BCAR3: variants seen among roughly 807,000 people sequenced by gnomAD.
BCAR3 encodes BCAR3 adaptor protein, NSP family member.
Under a neutral mutation model 80.1 loss-of-function variants are expected in BCAR3, and 37 were observed. That is an observed-to-expected ratio of 0.46 (90% CI 0.36 to 0.61). The LOEUF (loss-of-function observed/expected upper bound fraction) is 0.61. BCAR3 is among the 20% of genes least tolerant of loss of function. The probability of loss-of-function intolerance (pLI) is 0.00; values close to 1 mark genes in which losing one functional copy is unlikely to be tolerated. For missense variants in BCAR3, 978 were observed against 1,068.2 expected (o/e 0.92, Z 1.18); for synonymous variants, 389 against 418.9 (o/e 0.93, Z 0.87).
intron 7 of BCAR3, among the ~76,000 whole-genome samples, chr1:93,579,095 G>C (rs902252870): frequency 2.6e-5 from 4 of 152,142 alleles, no homozygotes; most frequent in African/African-American, 9.7e-5. Flanking sequence ...TGGGGGGTGG[G>C]GGCATGGACA....
intron 1 of BCAR3, among the ~76,000 whole-genome samples, chr1:93,846,315 C>CT (rs1655176629): frequency 2.0e-5 from 3 of 152,198 alleles, no homozygotes; most frequent in Non-Finnish European, 4.4e-5. Flanking sequence ...GGTGCAGAAA[C>CT]GGGCTGTGGC....
rs376160020 is a variant in BCAR3 at position 93,589,057 on chromosome 1, C to A, written c.849G>T (p.Pro283=). 1 of 1,611,946 alleles carries A rather than the reference C, an allele frequency of 6.2e-7. No homozygotes were observed. Among genetic ancestry groups the A allele is most frequent in the Non-Finnish European group, 8.5e-7 (1 of 1,178,736 alleles). ...TGAGGCTCAGCCTCTTGGCCACATC[C>A]GGCCTTCCCTTGGTGAGGCTGCCCT... ...AREGSLTKGR[P]DVAKRLSLTM... Residue 283 remains proline, a synonymous_variant, in exon 5 of 12, where the codon CCG becomes CCT. Transcript: ENST00000260502.
chr1:93,687,183 T>G (rs7519952), intron 3 of BCAR3, among the ~76,000 whole-genome samples: 45,693 of 152,214 alleles, frequency 0.3, 10,477 homozygotes, highest in African/African-American at 0.65. Context: ...ACATCATAAA[T>G]CTCCCCATAG....
At chr1:93,818,523 T>G (rs1316732328) in intron 2 of BCAR3, among the ~76,000 whole-genome samples, 1 of 152,232 alleles carries the variant, frequency 6.6e-6, no homozygotes, top group Non-Finnish European at 1.5e-5. Flanking sequence ...ATCCCAGTTC[T>G]GCCACTTCCT....
At chr1:93,727,355 C>T (rs1650631027) in intron 2 of BCAR3, among the ~76,000 whole-genome samples, 1 of 152,230 alleles carries the variant, frequency 6.6e-6, no homozygotes, top group African/African-American at 2.4e-5. Flanking sequence ...CTCAGGTCAA[C>T]TTTCACTCTT....
intron 2 of BCAR3, among the ~76,000 whole-genome samples, chr1:93,831,744 A>G (rs1571157728): frequency 6.6e-6 from 1 of 151,814 alleles, no homozygotes; most frequent in East Asian, 1.9e-4. Flanking sequence ...ATTCTTCCTC[A>G]GCCTCCACTT....
At chr1:93,766,157 T>C (rs17110404) in intron 2 of BCAR3, among the ~76,000 whole-genome samples, 17,783 of 152,138 alleles carry the variant, frequency 0.12, 1,464 homozygotes, top group African/African-American at 0.22. Context: ...CATCTTTAAA[T>C]GCAGTACCAG....
intron 2 of BCAR3, among the ~76,000 whole-genome samples, chr1:93,817,934 A>C (rs1654077023): frequency 6.6e-6 from 1 of 151,972 alleles, no homozygotes; most frequent in Admixed American, 6.6e-5. Flanking sequence ...TGCCAGTCCC[A>C]AGGAAGCTTT....
chr1:93,699,533 T>C (rs1329360587), intron 3 of BCAR3, among the ~76,000 whole-genome samples: 1 of 152,082 alleles, frequency 6.6e-6, no homozygotes, highest in African/African-American at 2.4e-5. Context: ...GCAGAAGAAC[T>C]CATGAGGTGA....
At chr1:93,643,912 C>T (rs1676075793) in intron 2 of BCAR3, among the ~76,000 whole-genome samples, 1 of 152,180 alleles carries the variant, frequency 6.6e-6, no homozygotes. Context: ...TGGATACATA[C>T]TGAGGACTAA....
In BCAR3 at chr1:93,748,024, TCTGCTTCC is replaced by T. The variant is rs142537090; in HGVS notation, c.-62-41890_-62-41883del. 2.6e-3 allele frequency among the ~76,000 whole-genome samples: 387 copies of T among 149,674 alleles called. 5 individuals are homozygous for T. Among genetic ancestry groups the T allele is most frequent in the African/African-American group, 9.4e-3 (366 of 39,028 alleles). On this transcript the variant is annotated intron_variant, in intron 2 of 13. Transcript: ENST00000370244. ...CCCTCACCTTTAGTGAGTAGAAATG[TCTGCTTCC>T]CTGAGCCCTGGATCTAATGTCCCTA...
chr1:93,576,481 G>T (rs1034570365), intron 7 of BCAR3, among the ~76,000 whole-genome samples: 3 of 152,230 alleles, frequency 2.0e-5, no homozygotes, highest in Non-Finnish European at 4.4e-5. Flanking sequence ...GCTGCCAACA[G>T]CAAGGCTGCA....
At chr1:93,617,800 C>T (rs1256142181) in intron 3 of BCAR3, among the ~76,000 whole-genome samples, 1 of 152,194 alleles carries the variant, frequency 6.6e-6, no homozygotes, top group Non-Finnish European at 1.5e-5. Flanking sequence ...TTGCCCCACT[C>T]AGCACCAGCC....
intron 3 of BCAR3, among the ~76,000 whole-genome samples, chr1:93,696,314 T>C (rs938937012): frequency 6.6e-6 from 1 of 152,126 alleles, no homozygotes; most frequent in Non-Finnish European, 1.5e-5. Flanking sequence ...AATTCCCACA[T>C]ATTAGGATGG....
chr1:93,643,515 C>CAG (rs1332239690), intron 2 of BCAR3, among the ~76,000 whole-genome samples: 2 of 122,162 alleles, frequency 1.6e-5, no homozygotes, highest in African/African-American at 6.5e-5. Flanking sequence ...CATCGCACTC[C>CAG]AGTCTGGGTG....
chr1:93,821,714 T>A (rs1654230332), intron 2 of BCAR3, among the ~76,000 whole-genome samples: 1 of 152,236 alleles, frequency 6.6e-6, no homozygotes, highest in African/African-American at 2.4e-5. Flanking sequence ...CACATATACT[T>A]AGCACAGTAC....
At chr1:93,816,488 CA>C (rs1654019645) in intron 2 of BCAR3, among the ~76,000 whole-genome samples, 1 of 151,340 alleles carries the variant, frequency 6.6e-6, no homozygotes, top group African/African-American at 2.4e-5. Flanking sequence ...CTGGCCAACA[CA>C]GTGAAACCCC....
At position 93,584,235 on chromosome 1, in the gene BCAR3, G is replaced by C. The variant is rs574756705; in HGVS notation, c.930-114C>G. 66 of 868,842 alleles carry C rather than the reference G, an allele frequency of 7.6e-5. 1 individual carries two copies. The highest frequency in any genetic ancestry group is 2.5e-4 in the South Asian group (14 of 55,428). The allele number at this position is 868,842 out of a possible 1,614,324, so 53.8% of individuals were successfully genotyped here. A position where few individuals can be genotyped will look rare whatever the true frequency, so the allele number is the denominator to read the frequency against. On this transcript the variant is annotated intron_variant, in intron 5 of 11. Transcript: ENST00000260502. ...AAAAAAAAAGAAAACTGCTCAGAAC[G>C]AGAGTGCTACAGCATACCCTAAAAG...
intron 3 of BCAR3, among the ~76,000 whole-genome samples, chr1:93,640,292 C>G (rs1424209553): frequency 1.3e-5 from 2 of 152,096 alleles, no homozygotes. Flanking sequence ...TGGACCTTTA[C>G]GTCAGAGACC....
Sources: gnomAD v4.1 joint callset for allele counts (sites outside exome capture counted in the v4.1 genomes callset) on GRCh38, gnomAD v4.1.1 for gene constraint, MANE v1.5 for transcripts, NCBI Gene and HGNC (gene_info 2026-07-23, HGNC 2026-07-21) for gene names.